AP2A2: variants seen among roughly 807,000 people sequenced by gnomAD.
The protein encoded by AP2A2 is adaptor related protein complex 2 subunit alpha 2, also known as AP-2 complex subunit alpha-2.
In AP2A2, 32 loss-of-function variants were observed where a neutral mutation model predicts 104.2. That is an observed-to-expected ratio of 0.31 (90% confidence interval 0.23 to 0.41). AP2A2 has a LOEUF of 0.41. Ranked by LOEUF, AP2A2 falls within the 10% of genes least tolerant of loss-of-function variation. AP2A2 has a pLI of 1.00. For synonymous variants in AP2A2, 539 were observed against 533.3 expected (o/e 1.01, Z -0.15); for missense variants, 912 against 1,261.0 (o/e 0.72, Z 4.19).
intron 1 of AP2A2, among the ~76,000 whole-genome samples, chr11:945,015 T>C (rs1853785046): frequency 1.3e-5 from 2 of 151,618 alleles, no homozygotes; most frequent in South Asian, 4.1e-4. Context: ...GAGTGGTGAA[T>C]GGTGTGAGGG....
chr11:988,777 G>T, intron 10 of AP2A2, 88 bp downstream of exon 10: 2 of 1,517,324 alleles, frequency 1.3e-6, no homozygotes, highest in South Asian at 1.2e-5. Flanking sequence ...ATTCCGTCCA[G>T]CAGGACTTGA....
chr11:967,648 C>T (rs1854665901), intron 2 of AP2A2, among the ~76,000 whole-genome samples: 1 of 152,140 alleles, frequency 6.6e-6, no homozygotes, highest in Non-Finnish European at 1.5e-5. Flanking sequence ...GCGTGAGCCA[C>T]CATGCGCGGC....
chr11:933,645 T>C (rs1014027652), intron 1 of AP2A2: 6 of 456,010 alleles, frequency 1.3e-5, no homozygotes, highest in Non-Finnish European at 2.6e-5. Flanking sequence ...GAGACTTGAA[T>C]TGGGAAGAGG....
chr11:993,390 C>A lies in AP2A2; in HGVS notation c.1550+9C>A. On this transcript the variant is annotated intron_variant, in intron 12 of 21. Coordinates refer to ENST00000448903, the MANE Select transcript of AP2A2 (RefSeq NM_012305.4). This position sits in a 1 kb window ranked among gnomAD's most constrained non-coding sequence, Gnocchi z 8.2. ...GGAGACCCGAGATCCAGGTGAGAGG[C>A]CCTTTGCGAGTCGGGGCTGTGTGCG... 1 of 1,602,212 alleles carries A rather than the reference C, an allele frequency of 6.2e-7. No homozygotes were observed. Among genetic ancestry groups the A allele is most frequent in the Non-Finnish European group, 8.5e-7 (1 of 1,175,494 alleles).
At chr11:929,831 C>G (rs1472650241) in intron 1 of AP2A2, among the ~76,000 whole-genome samples, 1 of 151,920 alleles carries the variant, frequency 6.6e-6, no homozygotes, top group Non-Finnish European at 1.5e-5. Context: ...CCCTCCAAGA[C>G]CTGGTGCCAG....
intron 1 of AP2A2, among the ~76,000 whole-genome samples, chr11:935,138 C>G (rs1747410588): frequency 6.6e-6 from 1 of 151,316 alleles, no homozygotes; most frequent in Non-Finnish European, 1.5e-5. Flanking sequence ...ACTGCAACCT[C>G]TGCCTCCCAG....
intron 5 of AP2A2, 109 bp from the exon 6 acceptor site, chr11:981,089 G>C (rs977566389): frequency 1.2e-6 from 1 of 825,254 alleles, no homozygotes; most frequent in Non-Finnish European, 1.9e-6. Flanking sequence ...CGAGGTGGCT[G>C]TGGGCTGCCA....
chr11:997,857 A>G (rs1484675196), intron 14 of AP2A2, among the ~76,000 whole-genome samples: 1 of 152,208 alleles, frequency 6.6e-6, no homozygotes, highest in African/African-American at 2.4e-5. Flanking sequence ...GTGAGCTGAG[A>G]TTGCACCACT....
chr11:1,008,354 G>C (rs1856281559), intron 18 of AP2A2: 1 of 610,512 alleles, frequency 1.6e-6, no homozygotes, highest in Non-Finnish European at 2.6e-6. Context: ...GCAGGTGGCA[G>C]CTCCCACATG....
chr11:1,003,008 T>C (rs1234423863), intron 15 of AP2A2, among the ~76,000 whole-genome samples: 1 of 152,200 alleles, frequency 6.6e-6, no homozygotes, highest in Non-Finnish European at 1.5e-5. Flanking sequence ...CTCCCTCTCC[T>C]CTCTTTTGGA....
At chr11:945,776 C>T (rs1287140716) in intron 1 of AP2A2, among the ~76,000 whole-genome samples, 1 of 152,038 alleles carries the variant, frequency 6.6e-6, no homozygotes, top group African/African-American at 2.4e-5. Context: ...CTTAGTGAGA[C>T]CTTATCTCTA....
In AP2A2 at chr11:977,099, A is replaced by G. The variant is rs746225400; in HGVS notation, c.478A>G (p.Thr160Ala). ...EIPKVLVAGD[T>A]MDSVKQSAAL... ...CTCTTGACGTCTGTCTTTCAGAGAC[A>G]CTATGGACAGCGTGAAGCAGAGCGC... Residue 160 changes from threonine to alanine, a missense_variant, in exon 5 of 22, where the codon ACT becomes GCT. By Grantham distance (58) the Thr-to-Ala change is moderately conservative. Around this residue, in one of 7 missense-constraint regions of AP2A2, gnomAD observed 350 missense variants for 487.0 expected, o/e 0.72. Transcript: ENST00000448903. 11 of 1,613,678 alleles carry G rather than the reference A, an allele frequency of 6.8e-6. No individual in the cohort carries two copies. The highest frequency in any genetic ancestry group is 9.3e-6 in the Non-Finnish European group (11 of 1,179,796).
In AP2A2 at chr11:925,915, C is replaced by G. The variant is rs931905577; in HGVS notation, c.-107C>G. ...TGAGGCGGCCGTGGTTAGGCGGCTCCCCGGCGGCTCCTCCGCGGCGGTGAC... is the reference window on the plus strand; with the variant it reads ...TGAGGCGGCCGTGGTTAGGCGGCTCGCCGGCGGCTCCTCCGCGGCGGTGAC... On this transcript the variant is annotated 5_prime_UTR_variant, in exon 1 of 22. Coordinates refer to ENST00000448903, the MANE Select transcript of AP2A2 (RefSeq NM_012305.4). The G allele has an allele frequency of 3.8e-5, 33 of 862,812 alleles. No homozygotes were observed. Among genetic ancestry groups the G allele is most frequent in the Non-Finnish European group, 5.1e-5 (32 of 632,740 alleles). The allele number at this position is 862,812 out of a possible 1,614,324, so 53.4% of individuals were successfully genotyped here.
chr11:965,325 C>T (rs996727002), intron 2 of AP2A2, among the ~76,000 whole-genome samples: 4 of 152,138 alleles, frequency 2.6e-5, no homozygotes, highest in African/African-American at 7.2e-5. Context: ...GTGTAGGTAA[C>T]GCCAGTGTGT....
chr11:974,319 ATGGTACC>A (rs1854940601), intron 4 of AP2A2, among the ~76,000 whole-genome samples: 1 of 152,208 alleles, frequency 6.6e-6, no homozygotes. Context: ...CTCAGGTAAC[ATGGTACC>A]CATGGGCCTT....
At chr11:942,640 G>GT (rs1456364758) in intron 1 of AP2A2, among the ~76,000 whole-genome samples, 2 of 152,260 alleles carry the variant, frequency 1.3e-5, no homozygotes, top group South Asian at 2.1e-4. Context: ...GAACTGAAAT[G>GT]TTTTTTCTCA....
At chr11:1,009,849 T>C in intron 21 of AP2A2, 32 bp downstream of exon 21, 1 of 1,525,158 alleles carries the variant, frequency 6.6e-7, no homozygotes. Flanking sequence ...GGAACACACT[T>C]GAGTTGCTTT....
chr11:931,739 T>G (rs1210001565), intron 1 of AP2A2, among the ~76,000 whole-genome samples: 1 of 151,978 alleles, frequency 6.6e-6, no homozygotes, highest in Admixed American at 6.6e-5. Flanking sequence ...CACGATAAAT[T>G]AGAAAAATTA....
Position 1,000,467 on chromosome 11 carries a change from C to T in AP2A2, c.1992C>T (p.Leu664=), listed in dbSNP as rs372194551. Residue 664 remains leucine (L), a synonymous_variant, in exon 15 of 22, where the codon CTC becomes CTT. Transcript: ENST00000448903. ...TPSPSADLLG[L]GAAPPAPAGP... is the part of the protein sequence containing the mutation. ...CTCCGTCGGCAGACCTGCTGGGTCT[C>T]GGGGCTGCCCCCCCTGCCCCCGCGG... 107 of 1,541,778 alleles carry T rather than the reference C, an allele frequency of 6.9e-5. No individual in the cohort carries two copies. Among genetic ancestry groups the T allele is most frequent in the Admixed American group, 1.2e-4 (6 of 51,150 alleles).
Sources: gnomAD v4.1 joint callset for allele counts (sites outside exome capture counted in the v4.1 genomes callset) on GRCh38, gnomAD v4.1.1 for gene constraint, gnomAD v4.1.1 regional missense constraint, Gnocchi (gnomAD v3.1) non-coding constraint, MANE v1.5 for transcripts, NCBI Gene and HGNC (gene_info 2026-07-23, HGNC 2026-07-21) for gene names.